Variants in CHD7 observed in about 807,000 individuals in gnomAD.
CHD7 encodes the protein ATP-dependent chromatin remodeler CHD7.
CHD7 carries 24 observed loss-of-function variants against 307.3 expected under a neutral mutation model. The ratio of observed to expected loss-of-function variants is 0.08; its 90% CI spans 0.06 to 0.11. The LOEUF (loss-of-function observed/expected upper bound fraction) is 0.11. CHD7 is among the 10% of genes least tolerant of loss of function. CHD7 has a pLI of 1.00. For synonymous variants in CHD7, 1,363 were observed against 1,349.9 expected (o/e 1.01, Z -0.21); for missense variants, 3,106 against 3,727.1 (o/e 0.83, Z 4.34).
chr8:60,697,125 A>G (rs1222481713), intron 1 of CHD7, among the ~76,000 whole-genome samples: 1 of 152,138 alleles, frequency 6.6e-6, no homozygotes, highest in Non-Finnish European at 1.5e-5. Context: ...CATGATTTTG[A>G]TATTTGGGAG....
At chr8:60,864,918 T>A (rs1394840132) in intron 37 of CHD7, 98 bp from the exon 38 acceptor site, 4 of 1,186,188 alleles carry the variant, frequency 3.4e-6, no homozygotes, top group Non-Finnish European at 4.7e-6. Context: ...ACTTAGGTAT[T>A]TCCATTTGGA....
chr8:60,736,568 A>G (rs940640331), intron 1 of CHD7, among the ~76,000 whole-genome samples: 39 of 152,176 alleles, frequency 2.6e-4, no homozygotes, highest in African/African-American at 8.9e-4. Context: ...CCCCAGAATC[A>G]TTATCACAGT....
chr8:60,741,666 A>G lies in CHD7; in HGVS notation c.234A>G (p.Gln78=), dbSNP rs763656339. ...HFDHYNQYEQ[Q]KMHLMDQPNR... is the part of the protein sequence containing the mutation. ...ATCACTATAATCAGTATGAACAACA[A>G]AAGATGCATCTGATGGATCAGCCGA... is the stretch of plus-strand genomic sequence containing the variant. Residue 78 remains glutamine, a synonymous_variant, in exon 2 of 38, where the codon CAA becomes CAG. Transcript: ENST00000423902. 1 of 1,614,012 alleles carries G rather than the reference A, an allele frequency of 6.2e-7. No homozygotes were observed. The highest frequency in any genetic ancestry group is 1.7e-5 in the Admixed American group (1 of 60,030).
Position 60,845,046 on chromosome 8 carries a change from C to A in CHD7, c.5033C>A (p.Ala1678Asp), listed in dbSNP as rs1246655724. The A allele has an allele frequency of 6.2e-7, 1 of 1,613,780 alleles. No homozygotes were observed. The highest frequency in any genetic ancestry group is 1.3e-5 in the African/African-American group (1 of 74,912). Residue 1678 changes from alanine to aspartate, a missense_variant, in exon 22 of 38, where the codon GCC (alanine) becomes GAC (aspartate). Ala to Asp is a moderately radical substitution (Grantham distance 126, BLOSUM62 -2). Transcript: ENST00000423902. ...ITPTADGQTR[A>D]LVNHSGLSAP... ...CCCACAGCGGATGGCCAGACTCGAG[C>A]CTTGGTCAACCATTCCGGTAGGTCT...
At chr8:60,734,507 C>G (rs1224989974) in intron 1 of CHD7, among the ~76,000 whole-genome samples, 1 of 152,116 alleles carries the variant, frequency 6.6e-6, no homozygotes, top group Non-Finnish European at 1.5e-5. Context: ...TGAAATCAGC[C>G]TGAAGAGGGA....
chr8:60,781,075 G>T lies in CHD7; in HGVS notation c.1741G>T (p.Val581Leu). The change falls in exon 3 of 38, where the codon GTG (valine) becomes TTG (leucine). Residue 581 changes from valine to leucine, a missense_variant. Around this residue, in one of 10 missense-constraint regions of CHD7, gnomAD observed 998 missense variants for 1,004.5 expected, o/e 0.99. Coordinates refer to ENST00000423902, the MANE Select transcript of CHD7 (RefSeq NM_017780.4). ...TQVSGPNAQL[V>L]KSDDYLPSIE... ...GGTTAGTGGACCGAATGCTCAGCTAGTGAAGAGTGATGATTACCTGCCATC... is the reference window on the plus strand; with the variant it reads ...GGTTAGTGGACCGAATGCTCAGCTATTGAAGAGTGATGATTACCTGCCATC... The T allele has an allele frequency of 6.2e-7, 1 of 1,611,444 alleles. No individual in the cohort carries two copies. The highest frequency in any genetic ancestry group is 8.5e-7 in the Non-Finnish European group (1 of 1,178,992).
chr8:60,720,454 G>C (rs1018577736), intron 1 of CHD7, among the ~76,000 whole-genome samples: 1 of 152,168 alleles, frequency 6.6e-6, no homozygotes, highest in Admixed American at 6.5e-5. Flanking sequence ...GGACCTTACT[G>C]TCTTTTGCCA....
intron 1 of CHD7, among the ~76,000 whole-genome samples, chr8:60,736,694 T>C (rs1360812478): frequency 6.6e-6 from 1 of 152,212 alleles, no homozygotes; most frequent in Non-Finnish European, 1.5e-5. Context: ...AAATGTCCTA[T>C]GATTTCACTC....
intron 2 of CHD7, among the ~76,000 whole-genome samples, chr8:60,767,613 G>C (rs1454464314): frequency 6.6e-6 from 1 of 152,210 alleles, no homozygotes; most frequent in Non-Finnish European, 1.5e-5. Context: ...GTGCTGGGAA[G>C]AATTTGGGTC....
intron 3 of CHD7, among the ~76,000 whole-genome samples, chr8:60,787,859 C>T (rs1426745226): frequency 3.5e-5 from 5 of 141,794 alleles, no homozygotes; most frequent in Non-Finnish European, 6.0e-5. Flanking sequence ...GAAACAGACT[C>T]GCTCTGTTGC....
In CHD7 at chr8:60,865,201, C is replaced by T. The variant is rs1369699481; in HGVS notation, c.8262C>T (p.Asp2754=). The T allele has an allele frequency of 6.8e-6, 11 of 1,610,982 alleles. No homozygotes were observed. The highest frequency in any genetic ancestry group is 9.3e-6 in the Non-Finnish European group (11 of 1,178,624). Reference sequence around the variant, plus strand: ...TGAACAGCCTGTTTGCTGGAATGGACCTGACGAGCCTTCAGAATCTCCAGA... The same window carrying T: ...TGAACAGCCTGTTTGCTGGAATGGATCTGACGAGCCTTCAGAATCTCCAGA... ...LLVNSLFAGM[D]LTSLQNLQNL... is the part of the protein sequence containing the mutation. Residue 2754 remains aspartate (D), a synonymous_variant, in exon 38 of 38, where the codon GAC becomes GAT. Coordinates refer to ENST00000423902, the MANE Select transcript of CHD7 (RefSeq NM_017780.4). The surrounding 1 kb of genome is among the most constrained non-coding windows in gnomAD (Gnocchi z 4.3).
chr8:60,844,841 C>T, intron 21 of CHD7, 23 bp from the exon 22 acceptor site: 1 of 1,557,790 alleles, frequency 6.4e-7, no homozygotes, highest in Non-Finnish European at 8.7e-7. Flanking sequence ...GGCACCTCTG[C>T]ATGCTGGATA....
intron 32 of CHD7, 130 bp from the exon 33 acceptor site, chr8:60,855,845 T>C: frequency 1.6e-6 from 1 of 639,522 alleles, no homozygotes; most frequent in Non-Finnish European, 2.7e-6. Flanking sequence ...TGCCTTGTTT[T>C]CTTTTACTTT....
chr8:60,700,905 A>G (rs143313110), intron 1 of CHD7, among the ~76,000 whole-genome samples: 1,535 of 152,370 alleles, frequency 0.01, 18 homozygotes, highest in Admixed American at 0.021. Context: ...TCACTGCCTC[A>G]GAGCACGGTG....
At chr8:60,712,348 T>G (rs1807321479) in intron 1 of CHD7, among the ~76,000 whole-genome samples, 2 of 152,166 alleles carry the variant, frequency 1.3e-5, no homozygotes, top group East Asian at 3.8e-4. Flanking sequence ...AACATCATAT[T>G]TTATAGGGAA....
chr8:60,817,955 C>T (rs191401688), intron 8 of CHD7, among the ~76,000 whole-genome samples: 3 of 152,292 alleles, frequency 2.0e-5, no homozygotes, highest in African/African-American at 7.2e-5. Context: ...TTTGTATTCT[C>T]TCTCCTGTAG....
In CHD7 at chr8:60,821,466, G is replaced by C. The variant is rs192827496; in HGVS notation, c.2698-324G>C. 6.9e-4 allele frequency among the ~76,000 whole-genome samples: 105 copies of C among 151,666 alleles called. 3 individuals carry two copies. In the East Asian group the frequency reaches 0.02, roughly 29 times the overall value. On this transcript the variant is annotated intron_variant, in intron 9 of 37. Coordinates refer to ENST00000423902, the MANE Select transcript of CHD7 (RefSeq NM_017780.4). ...TGTCAATTCAGACTTACTCATGCTG[G>C]GATAATGTCTATTGATAAATGAAGT...
chr8:60,850,919 A>C (rs540582820), intron 26 of CHD7, 113 bp from the exon 27 acceptor site: 1 of 782,912 alleles, frequency 1.3e-6, no homozygotes, highest in African/African-American at 1.8e-5. Context: ...TTTTGATGTC[A>C]AACCCATAAT....
chr8:60,696,407 A>C (rs1806469373), intron 1 of CHD7, among the ~76,000 whole-genome samples: 1 of 152,202 alleles, frequency 6.6e-6, no homozygotes, highest in Non-Finnish European at 1.5e-5. Flanking sequence ...GTGACTTACT[A>C]GTTCTATGTG....
Sources: gnomAD v4.1 joint callset for allele counts (sites outside exome capture counted in the v4.1 genomes callset) on GRCh38, gnomAD v4.1.1 for gene constraint, gnomAD v4.1.1 regional missense constraint, Gnocchi (gnomAD v3.1) non-coding constraint, MANE v1.5 for transcripts, NCBI Gene and HGNC (gene_info 2026-07-23, HGNC 2026-07-21) for gene names.